ARHGAP39: variants seen among roughly 807,000 people sequenced by gnomAD.
ARHGAP39 encodes the protein Rho GTPase activating protein 39.
Under a neutral mutation model 106.9 loss-of-function variants are expected in ARHGAP39, and 44 were observed. The ratio of observed to expected loss-of-function variants is 0.41; its 90% CI spans 0.32 to 0.53. The LOEUF (loss-of-function observed/expected upper bound fraction) is 0.53. Ranked by LOEUF, ARHGAP39 falls within the 20% of genes least tolerant of loss-of-function variation. The pLI, the probability that ARHGAP39 is intolerant of heterozygous loss-of-function variation, is 0.21. For missense variants in ARHGAP39, 1,496 were observed against 1,577.3 expected (o/e 0.95, Z 0.87); for synonymous variants, 768 against 693.2 (o/e 1.11, Z -1.69).
chr8:144,583,714 TGTG>T (rs1819085337), intron 2 of ARHGAP39, among the ~76,000 whole-genome samples: 1 of 152,250 alleles, frequency 6.6e-6, no homozygotes, highest in African/African-American at 2.4e-5. Context: ...GCGGTGCTGT[TGTG>T]GGGGTGGCAG....
intron 1 of ARHGAP39, among the ~76,000 whole-genome samples, chr8:144,632,551 G>C (rs116341515): frequency 6.6e-6 from 1 of 152,354 alleles, no homozygotes; most frequent in African/African-American, 2.4e-5. Context: ...GCAGAGCCGG[G>C]TCTGGGCCTG....
chr8:144,624,330 G>A (rs1341616330), intron 1 of ARHGAP39, among the ~76,000 whole-genome samples: 13 of 146,572 alleles, frequency 8.9e-5, no homozygotes, highest in Non-Finnish European at 1.3e-4. Flanking sequence ...AATAATCATC[G>A]TCTCAAGAAA....
chr8:144,539,666 CTG>C (rs2130828004), intron 6 of ARHGAP39, among the ~76,000 whole-genome samples: 1 of 152,330 alleles, frequency 6.6e-6, no homozygotes, highest in Non-Finnish European at 1.5e-5. Flanking sequence ...AAGGAAAAGA[CTG>C]TCTTTTCTTC....
At chr8:144,695,594 A>G in the ARHGAP39 span, among the ~76,000 whole-genome samples, 1 of 152,206 alleles carries the variant, frequency 6.6e-6, no homozygotes, top group Admixed American at 6.5e-5. Context: ...AGCGGCCAAG[A>G]GACGGCTAGC....
rs1011352495 is a variant in ARHGAP39 at position 144,530,025 on chromosome 8, G to T, written c.*397C>A. 4 of 214,326 alleles carry T rather than the reference G, an allele frequency of 1.9e-5. No individual in the cohort carries two copies. 13.3% of individuals were successfully genotyped at this position (214,326 alleles called of 1,614,324 possible). On this transcript the variant is annotated 3_prime_UTR_variant, in exon 12 of 12. Coordinates refer to ENST00000377307, the MANE Select transcript of ARHGAP39 (RefSeq NM_025251.3). ...CAGGCCAGGACGAGGACAGGAGAAA[G>T]GGAAGGAGAGACCGGGGCGGCTGGG...
At chr8:144,577,754 C>A (rs1401649988) in intron 3 of ARHGAP39, among the ~76,000 whole-genome samples, 2 of 152,036 alleles carry the variant, frequency 1.3e-5, no homozygotes, top group Admixed American at 1.3e-4. Flanking sequence ...AACAAACAAA[C>A]AAAAAATTCC....
At chr8:144,594,694 C>CAAAA in intron 2 of ARHGAP39, among the ~76,000 whole-genome samples, 1 of 80,344 alleles carries the variant, frequency 1.2e-5, no homozygotes, top group Non-Finnish European at 2.8e-5. Context: ...AACGCCACCT[C>CAAAA]AAAAAAAAAA....
At chr8:144,549,687 GT>G in intron 4 of ARHGAP39, among the ~76,000 whole-genome samples, 1 of 152,176 alleles carries the variant, frequency 6.6e-6, no homozygotes, top group South Asian at 2.1e-4. Flanking sequence ...GAGAGATGGG[GT>G]TTCACCGTGT....
chr8:144,692,382 A>G, the ARHGAP39 span, among the ~76,000 whole-genome samples: 1 of 152,232 alleles, frequency 6.6e-6, no homozygotes, highest in Non-Finnish European at 1.5e-5. Context: ...GGAGACAGAC[A>G]TCAGCCCCTC....
At chr8:144,563,622 T>TA (rs999572618) in intron 3 of ARHGAP39, among the ~76,000 whole-genome samples, 69 of 146,776 alleles carry the variant, frequency 4.7e-4, no homozygotes, top group Middle Eastern at 3.5e-3. Flanking sequence ...CTTATCTCTA[T>TA]AAAAAAAAAA....
intron 1 of ARHGAP39, among the ~76,000 whole-genome samples, chr8:144,663,115 C>G (rs1253669388): frequency 6.8e-6 from 1 of 147,040 alleles, no homozygotes; most frequent in African/African-American, 2.5e-5. Context: ...CCCCCTTGGC[C>G]CACTCCCCCC....
At chr8:144,572,980 G>A (rs543690516) in intron 3 of ARHGAP39, among the ~76,000 whole-genome samples, 2 of 152,232 alleles carry the variant, frequency 1.3e-5, no homozygotes, top group East Asian at 1.9e-4. Flanking sequence ...AACAGGTGCT[G>A]GAGAGGATGT....
intron 1 of ARHGAP39, among the ~76,000 whole-genome samples, chr8:144,618,013 C>T (rs1820683201): frequency 6.6e-6 from 1 of 152,166 alleles, no homozygotes; most frequent in Non-Finnish European, 1.5e-5. Context: ...AACTTCCTGG[C>T]TCAAGGGATC....
chr8:144,557,271 C>CA (rs542733465), intron 3 of ARHGAP39, among the ~76,000 whole-genome samples: 2 of 135,822 alleles, frequency 1.5e-5, no homozygotes, highest in African/African-American at 3.1e-5. Context: ...TATTCAGTGG[C>CA]AAAGGCTGAA....
chr8:144,605,521 G>C lies in ARHGAP39; in HGVS notation c.80+14C>G. ...TGAGGCCCGGGCAGCTCCGCAGGTC[G>C]GTCGGCTCCTTACCGAGTGTTCGAC... On this transcript the variant is annotated intron_variant, in intron 2 of 11. Transcript: ENST00000377307. 2 of 1,613,610 alleles carry C rather than the reference G, an allele frequency of 1.2e-6. No homozygotes were observed. The highest frequency in any genetic ancestry group is 1.7e-6 in the Non-Finnish European group (2 of 1,179,836).
chr8:144,588,821 G>A (rs1305691389), intron 2 of ARHGAP39, among the ~76,000 whole-genome samples: 6 of 152,268 alleles, frequency 3.9e-5, no homozygotes, highest in Non-Finnish European at 8.8e-5. Context: ...CGTGACATGA[G>A]AGCAGCACGC....
At chr8:144,629,153 C>T (rs1444445119) in intron 1 of ARHGAP39, among the ~76,000 whole-genome samples, 1 of 152,238 alleles carries the variant, frequency 6.6e-6, no homozygotes, top group Non-Finnish European at 1.5e-5. Context: ...ACATGAGTTG[C>T]AAACTCTAGG....
chr8:144,555,149 GACCCAGGGCT>G (rs1294283675), intron 4 of ARHGAP39, among the ~76,000 whole-genome samples: 1 of 152,266 alleles, frequency 6.6e-6, no homozygotes, highest in Non-Finnish European at 1.5e-5. Context: ...CTGTGAGGCT[GACCCAGGGCT>G]ACTGGAAGCC....
chr8:144,600,272 G>C (rs1289293720), intron 2 of ARHGAP39, among the ~76,000 whole-genome samples: 1 of 147,152 alleles, frequency 6.8e-6, no homozygotes, highest in Non-Finnish European at 1.5e-5. Context: ...GGGGGTGTCT[G>C]TGTGCTCCTG....
Sources: allele counts gnomAD v4.1 joint callset (sites outside exome capture counted in the v4.1 genomes callset), GRCh38; gene constraint gnomAD v4.1.1; transcripts MANE v1.5; gene names NCBI Gene and HGNC (gene_info 2026-07-23, HGNC 2026-07-21).